BCO1: variants seen among roughly 807,000 people sequenced by gnomAD.
BCO1 encodes beta,beta-carotene 15,15'-dioxygenase.
A neutral mutation model predicts 56.3 loss-of-function variants in BCO1; 54 were observed. That is an observed-to-expected ratio of 0.96 (90% CI 0.77 to 1.20). The LOEUF is 1.20. BCO1 is among the 50% of genes most tolerant of loss of function. The pLI, the probability that BCO1 is intolerant of heterozygous loss-of-function variation, is 0.00. For synonymous variants in BCO1, 318 were observed against 266.1 expected, an observed-to-expected ratio of 1.20 and a Z score of -1.90; for missense variants, 801 against 690.9, an observed-to-expected ratio of 1.16 and a Z score of -1.79.
At chr16:81,249,515 C>A (rs531305076) in intron 2 of BCO1, among the ~76,000 whole-genome samples, 1 of 152,146 alleles carries the variant, frequency 6.6e-6, no homozygotes, top group East Asian at 1.9e-4. Context: ...CTCGGCCTCC[C>A]AAAATGCTGG....
intron 8 of BCO1, among the ~76,000 whole-genome samples, chr16:81,284,962 G>A (rs1417578167): frequency 1.3e-5 from 2 of 151,068 alleles, no homozygotes; most frequent in Admixed American, 6.6e-5. Context: ...TCAGCCTCCT[G>A]AGTAGCTGGA....
At chr16:81,253,363 C>G (rs1232381776) in intron 2 of BCO1, among the ~76,000 whole-genome samples, 1 of 152,148 alleles carries the variant, frequency 6.6e-6, no homozygotes, top group Non-Finnish European at 1.5e-5. Flanking sequence ...CGTGACTCTG[C>G]AAGGACTGTG....
Position 81,243,979 on chromosome 16 carries a change from C to T in BCO1, c.65-1496C>T, listed in dbSNP as rs948213184. On this transcript the variant is annotated intron_variant, in intron 1 of 10. Transcript: ENST00000258168. ...GACGTAAAACATGCCTCTCGTGATC[C>T]CAACTGAGGGCAAGGCAACGGCGGG... Among the ~76,000 whole-genome samples, 4 of 152,208 alleles carry T rather than the reference C, an allele frequency of 2.6e-5. No individual in the cohort carries two copies. The South Asian group carries it at 8.3e-4, about 32-fold the overall frequency.
intron 10 of BCO1, among the ~76,000 whole-genome samples, chr16:81,289,532 T>C (rs1908351201): frequency 6.6e-6 from 1 of 152,034 alleles, no homozygotes. Context: ...TCCCAGCTAC[T>C]TGGAGGGCTG....
At chr16:81,269,231 G>A (rs534515491) in intron 6 of BCO1, among the ~76,000 whole-genome samples, 1 of 151,470 alleles carries the variant, frequency 6.6e-6, no homozygotes, top group Non-Finnish European at 1.5e-5. Flanking sequence ...CACGTCTGAA[G>A]GGAGCCACTG....
Position 81,281,034 on chromosome 16 carries a change from CATA to C in BCO1, c.1207+78_1207+80del, listed in dbSNP as rs1475272518. 4.6e-6 allele frequency: 5 copies of C among 1,082,854 alleles called. No homozygotes were observed. The East Asian group carries it at 1.3e-4, about 27-fold the overall frequency. The allele number at this position is 1,082,854 out of a possible 1,614,324, so 67.1% of individuals were successfully genotyped here. A position where few individuals can be genotyped will look rare whatever the true frequency, so the allele number is the denominator to read the frequency against. ...CACAGGGAGCCCAGAGGCCTCTTTA[CATA>C]ATAATTCCCTCCTGTGCATGGACAA... On this transcript the variant is annotated intron_variant, in intron 8 of 10. Transcript: ENST00000258168.
At chr16:81,261,208 A>G (rs1444717745) in intron 3 of BCO1, among the ~76,000 whole-genome samples, 1 of 152,164 alleles carries the variant, frequency 6.6e-6, no homozygotes, top group Non-Finnish European at 1.5e-5. Flanking sequence ...AGGTCCTGGA[A>G]CCAAGCCTCC....
chr16:81,272,122 T>C (rs1907261837), intron 7 of BCO1, among the ~76,000 whole-genome samples: 1 of 147,908 alleles, frequency 6.8e-6, no homozygotes, highest in Non-Finnish European at 1.5e-5. Flanking sequence ...TCTTTTTTTT[T>C]TTTTTTTTTG....
At chr16:81,266,460 C>A (rs1906834609) in intron 5 of BCO1, among the ~76,000 whole-genome samples, 1 of 152,120 alleles carries the variant, frequency 6.6e-6, no homozygotes. Context: ...CCTTGCTGCT[C>A]CCCCATCCCC....
At chr16:81,250,243 C>T (rs937722584) in intron 2 of BCO1, among the ~76,000 whole-genome samples, 2 of 152,168 alleles carry the variant, frequency 1.3e-5, no homozygotes, top group African/African-American at 2.4e-5. Flanking sequence ...AGACGCAATA[C>T]TCTCTAACTT....
chr16:81,280,873 C>A lies in BCO1; in HGVS notation c.1118C>A (p.Thr373Lys). The A allele has an allele frequency of 6.2e-7, 1 of 1,613,722 alleles. No homozygotes were observed. The highest frequency in any genetic ancestry group is 1.1e-5 in the South Asian group (1 of 91,064). ...TTTTTTCAGAATGCAGAAGTGGGCA[C>A]AAATTTAATCAAAGTGGCATCTACA... is the stretch of plus-strand genomic sequence containing the variant. ...LHVDKNAEVG[T>K]NLIKVASTTA... The change falls in exon 8 of 11, where the codon ACA becomes AAA. Residue 373 changes from threonine (T) to lysine (K), a missense_variant. Thr to Lys is a moderately conservative substitution (Grantham distance 78). Transcript: ENST00000258168.
Position 81,256,521 on chromosome 16 carries a change from C to T in BCO1, c.194-3155C>T, listed in dbSNP as rs564993456. 7.9e-5 allele frequency among the ~76,000 whole-genome samples: 12 copies of T among 152,234 alleles called. No homozygotes were observed. The South Asian group carries it at 1.0e-3, about 13-fold the overall frequency. On this transcript the variant is annotated intron_variant, in intron 2 of 10. Coordinates refer to ENST00000258168, the MANE Select transcript of BCO1 (RefSeq NM_017429.3). ...AAGGAAAAAATCTTAATGTCATTTGCGAATTAACAGCAAAATAAAATAAAA... is the reference window on the plus strand; with the variant it reads ...AAGGAAAAAATCTTAATGTCATTTGTGAATTAACAGCAAAATAAAATAAAA...
At chr16:81,246,465 T>A (rs537209843) in intron 2 of BCO1, among the ~76,000 whole-genome samples, 5 of 152,154 alleles carry the variant, frequency 3.3e-5, no homozygotes, top group African/African-American at 1.2e-4. Flanking sequence ...AAATAGTTAA[T>A]CTTGCAAAAT....
intron 3 of BCO1, chr16:81,261,804 C>T: frequency 2.9e-6 from 1 of 340,264 alleles, no homozygotes; most frequent in Non-Finnish European, 5.8e-6. Flanking sequence ...TGTAGTGGCG[C>T]CATCTCGGTT....
At chr16:81,249,680 C>T (rs556284801) in intron 2 of BCO1, among the ~76,000 whole-genome samples, 20 of 152,046 alleles carry the variant, frequency 1.3e-4, no homozygotes, top group Middle Eastern at 3.4e-3. Context: ...GGATTACAGG[C>T]GTGAGCCACC....
Position 81,285,867 on chromosome 16 carries a change from A to T in BCO1, c.1302+233A>T, listed in dbSNP as rs962349466. Among the ~76,000 whole-genome samples, 6 of 152,264 alleles carry T rather than the reference A, an allele frequency of 3.9e-5. 1 individual carries two copies. The East Asian group carries it at 9.6e-4, about 24-fold the overall frequency. On this transcript the variant is annotated intron_variant, in intron 9 of 10. Transcript: ENST00000258168. ...GTTTATTCACTGATTTCTTTATTCA[A>T]TACATATTTAATGAGCACCAATTAT... is the stretch of plus-strand genomic sequence containing the variant.
At chr16:81,262,070 C>T (rs1035764515) in intron 3 of BCO1, 66 bp from the exon 4 acceptor site, 1 of 1,573,696 alleles carries the variant, frequency 6.4e-7, no homozygotes, top group Non-Finnish European at 8.7e-7. Context: ...CTAAAGCCAT[C>T]AAGGATAGAC....
chr16:81,288,083 A>G (rs1260410044), intron 10 of BCO1, among the ~76,000 whole-genome samples: 1 of 152,174 alleles, frequency 6.6e-6, no homozygotes, highest in Non-Finnish European at 1.5e-5. Context: ...TACTTGTATC[A>G]AGCAGGACAT....
chr16:81,239,122 TCCTCCCA>T, intron 1 of BCO1, 150 bp downstream of exon 1: 1 of 666,066 alleles, frequency 1.5e-6, no homozygotes, highest in South Asian at 1.9e-5. Context: ...GTTCAAACGA[TCCTCCCA>T]CCACAGCCTC....
Sources: allele counts gnomAD v4.1 joint callset (sites outside exome capture counted in the v4.1 genomes callset), GRCh38; gene constraint gnomAD v4.1.1; transcripts MANE v1.5; gene names NCBI Gene and HGNC (gene_info 2026-07-23, HGNC 2026-07-21).